Variants in NEGR1 observed in about 807,000 individuals in gnomAD.
The protein encoded by NEGR1 is IgLON family member 4.
NEGR1 carries 10 observed loss-of-function variants against 40.9 expected under a neutral mutation model. The observed-to-expected ratio is 0.24, with a 90% confidence interval of 0.15 to 0.42. The LOEUF is 0.42. Among genes scored for constraint, NEGR1 ranks in the 10% least tolerant of loss-of-function variants. The pLI is 1.00. For synonymous variants in NEGR1, 185 were observed against 166.8 expected (o/e 1.11, Z -0.84); for missense variants, 352 against 438.9 (o/e 0.80, Z 1.77).
At chr1:71,686,953 T>G (rs368773048) in intron 4 of NEGR1, among the ~76,000 whole-genome samples, 1 of 152,186 alleles carries the variant, frequency 6.6e-6, no homozygotes, top group African/African-American at 2.4e-5. Flanking sequence ...ATTTCTGAAC[T>G]TCAGCTAATT....
chr1:72,031,707 G>C (rs1646860315), intron 1 of NEGR1, among the ~76,000 whole-genome samples: 1 of 152,080 alleles, frequency 6.6e-6, no homozygotes, highest in Admixed American at 6.6e-5. Context: ...AGAGATTCTA[G>C]TACTTGCATG....
intron 1 of NEGR1, among the ~76,000 whole-genome samples, chr1:72,144,723 T>C (rs1650843487): frequency 6.6e-6 from 1 of 152,044 alleles, no homozygotes; most frequent in Non-Finnish European, 1.5e-5. Context: ...GAAGGAAGTG[T>C]AGTGTGGAAC....
chr1:71,855,689 AT>A, intron 2 of NEGR1, among the ~76,000 whole-genome samples: 2 of 151,596 alleles, frequency 1.3e-5, no homozygotes, highest in East Asian at 3.9e-4. Flanking sequence ...GTTCTGTTGA[AT>A]TTTCATTACA....
chr1:71,952,976 T>C (rs1485482939), intron 1 of NEGR1, among the ~76,000 whole-genome samples: 2 of 144,018 alleles, frequency 1.4e-5, no homozygotes, highest in Non-Finnish European at 3.1e-5. Flanking sequence ...AAAAAAAAGG[T>C]TCTTTTCAAA....
intron 4 of NEGR1, among the ~76,000 whole-genome samples, chr1:71,615,729 G>C (rs1430780923): frequency 1.3e-5 from 2 of 152,182 alleles, no homozygotes; most frequent in African/African-American, 4.8e-5. Context: ...AAGCTGATAA[G>C]GTTTTGCAGA....
At chr1:72,156,113 C>CG (rs143264326) in intron 1 of NEGR1, among the ~76,000 whole-genome samples, 1 of 152,018 alleles carries the variant, frequency 6.6e-6, no homozygotes, top group Non-Finnish European at 1.5e-5. Context: ...TCTGGAAGAA[C>CG]GGTACTATAT....
chr1:72,005,833 A>C (rs2100390996), intron 1 of NEGR1, among the ~76,000 whole-genome samples: 1 of 152,328 alleles, frequency 6.6e-6, no homozygotes, highest in South Asian at 2.1e-4. Context: ...CAACTACAGT[A>C]TAAAACCACC....
At chr1:71,426,345 CAGAGA>C (rs1400264994) in intron 6 of NEGR1, among the ~76,000 whole-genome samples, 1 of 152,036 alleles carries the variant, frequency 6.6e-6, no homozygotes, top group Non-Finnish European at 1.5e-5. Context: ...ATAAATTGCA[CAGAGA>C]AAAGAATAAA....
At chr1:71,561,269 C>T (rs1250568136) in intron 6 of NEGR1, among the ~76,000 whole-genome samples, 1 of 151,604 alleles carries the variant, frequency 6.6e-6, no homozygotes, top group East Asian at 1.9e-4. Flanking sequence ...TGATTTAACA[C>T]TCAAATTTCA....
chr1:72,256,611 C>T (rs1655277943), intron 1 of NEGR1, among the ~76,000 whole-genome samples: 1 of 152,042 alleles, frequency 6.6e-6, no homozygotes. Context: ...TTCATTATTG[C>T]AGTTCAGAGA....
intron 2 of NEGR1, among the ~76,000 whole-genome samples, chr1:71,868,823 T>C (rs540443845): frequency 4.5e-4 from 69 of 152,010 alleles, no homozygotes; most frequent in Non-Finnish European, 8.1e-4. Flanking sequence ...GACCTAATAC[T>C]CTCTCTCCCC....
At chr1:71,856,559 CT>C (rs1274621540) in intron 2 of NEGR1, among the ~76,000 whole-genome samples, 98 of 152,048 alleles carry the variant, frequency 6.4e-4, no homozygotes, top group Non-Finnish European at 1.8e-4. Context: ...GGATTTTCAC[CT>C]AACAGCTCTT....
intron 3 of NEGR1, among the ~76,000 whole-genome samples, chr1:71,748,908 T>C (rs988172017): frequency 2.6e-5 from 4 of 152,106 alleles, no homozygotes; most frequent in Admixed American, 2.0e-4. Context: ...CAAAGAAAAT[T>C]ATCTGAAGAA....
chr1:71,558,263 T>C (rs1648316910), intron 6 of NEGR1, among the ~76,000 whole-genome samples: 1 of 151,576 alleles, frequency 6.6e-6, no homozygotes, highest in African/African-American at 2.4e-5. Flanking sequence ...TTTATAAAAA[T>C]ATTATCAAAG....
At chr1:71,590,760 G>A (rs1280700622) in intron 6 of NEGR1, among the ~76,000 whole-genome samples, 1 of 152,120 alleles carries the variant, frequency 6.6e-6, no homozygotes, top group Non-Finnish European at 1.5e-5. Context: ...TGTGCTATTT[G>A]TAATTACAGT....
chr1:72,146,407 G>T (rs1266467645), intron 1 of NEGR1, among the ~76,000 whole-genome samples: 1 of 152,050 alleles, frequency 6.6e-6, no homozygotes, highest in South Asian at 2.1e-4. Flanking sequence ...TACTCTATAT[G>T]AGTAAGTGTA....
rs140534468 is a variant in NEGR1 at position 72,172,847 on chromosome 1, A to G, written c.176+109472T>C. On this transcript the variant is annotated intron_variant, in intron 1 of 6. Transcript: ENST00000357731. ...TGACCCTTCCTCCCCTTTTAAAGCC[A>G]GACATGTTGAACCACGTCTTTCCAT... Among the ~76,000 whole-genome samples the G allele has an allele frequency of 2.0e-3, 309 of 152,186 alleles. 3 individuals carry two copies. The highest frequency in any genetic ancestry group is 7.2e-3 in the African/African-American group (300 of 41,544).
At chr1:71,674,517 T>C (rs1325923129) in intron 4 of NEGR1, among the ~76,000 whole-genome samples, 1 of 151,950 alleles carries the variant, frequency 6.6e-6, no homozygotes, top group Non-Finnish European at 1.5e-5. Flanking sequence ...TATATAACAA[T>C]TCTAGGTAGT....
At chr1:71,459,820 C>G (rs9787180) in intron 6 of NEGR1, among the ~76,000 whole-genome samples, 29,156 of 152,178 alleles carry the variant, frequency 0.19, 3,795 homozygotes, top group East Asian at 0.58. Flanking sequence ...TCCTTTAGTT[C>G]CTTCCCATAG....
Sources: allele counts gnomAD v4.1 joint callset (sites outside exome capture counted in the v4.1 genomes callset), GRCh38; gene constraint gnomAD v4.1.1; transcripts MANE v1.5; gene names NCBI Gene and HGNC (gene_info 2026-07-23, HGNC 2026-07-21).